Variants in DACH2 observed in about 807,000 individuals in gnomAD.
DACH2 encodes dachshund family transcription factor 2, also known as dachshund homolog 2.
Under a neutral mutation model 35.8 loss-of-function variants are expected in DACH2, and 17 were observed. The ratio of observed to expected loss-of-function variants is 0.48; its 90% CI spans 0.33 to 0.71. The LOEUF is 0.71. DACH2 is among the 30% of genes least tolerant of loss of function. The pLI is 0.02. For synonymous variants in DACH2, 195 were observed against 177.3 expected (o/e 1.10, Z -0.79); for missense variants, 469 against 472.7 (o/e 0.99, Z 0.07).
chrX:86,302,213 A>G (rs980387170), intron 1 of DACH2, among the ~76,000 whole-genome samples: 2 of 111,709 alleles, frequency 1.8e-5, no homozygotes, highest in Non-Finnish European at 3.8e-5. Flanking sequence ...TAGAAAGTAG[A>G]TCTCCTTAGT....
intron 1 of DACH2, among the ~76,000 whole-genome samples, chrX:86,275,608 C>G (rs1015652546): frequency 3.6e-4 from 40 of 111,625 alleles, no homozygotes; most frequent in African/African-American, 9.8e-4. Flanking sequence ...ATTATTGACT[C>G]TAGCCACCCT....
At chrX:86,265,720 G>A (rs912392367) in intron 1 of DACH2, among the ~76,000 whole-genome samples, 3 of 111,819 alleles carry the variant, frequency 2.7e-5, no homozygotes, top group Non-Finnish European at 5.6e-5. Flanking sequence ...GGAAAAAAGA[G>A]ATATATTTTA....
chrX:86,391,007 G>A, intron 2 of DACH2, among the ~76,000 whole-genome samples: 1 of 109,971 alleles, frequency 9.1e-6, no homozygotes, highest in Middle Eastern at 4.7e-3. Flanking sequence ...TTGGCCCGGT[G>A]CAGTGGCTCA....
intron 3 of DACH2, among the ~76,000 whole-genome samples, chrX:86,517,632 A>G (rs778359819): frequency 9.1e-6 from 1 of 110,175 alleles, no homozygotes; most frequent in Admixed American, 9.7e-5. Context: ...GTTAGCCAGG[A>G]TGGTCTCAAT....
At chrX:86,563,818 A>G (rs1367514249) in intron 3 of DACH2, among the ~76,000 whole-genome samples, 1 of 111,223 alleles carries the variant, frequency 9.0e-6, no homozygotes, top group African/African-American at 3.3e-5. Context: ...CCATACAAAC[A>G]TAATGTGCGA....
chrX:86,219,595 A>G (rs773318828), intron 1 of DACH2, among the ~76,000 whole-genome samples: 14 of 111,772 alleles, frequency 1.3e-4, no homozygotes, highest in African/African-American at 4.6e-4. Context: ...TTTATTATAT[A>G]TAACGTAATA....
intron 1 of DACH2, among the ~76,000 whole-genome samples, chrX:86,317,259 G>A (rs1280229831): frequency 8.9e-6 from 1 of 111,795 alleles, no homozygotes; most frequent in African/African-American, 3.3e-5. Context: ...GTTGTTGTAA[G>A]TGGGTGTATG....
intron 7 of DACH2, among the ~76,000 whole-genome samples, chrX:86,759,938 G>A (rs2041864359): frequency 1.8e-5 from 2 of 111,681 alleles, no homozygotes; most frequent in Non-Finnish European, 3.8e-5. Flanking sequence ...GTTTAGCTGG[G>A]AAAAAATTAT....
chrX:86,169,233 G>A (rs942067304), intron 1 of DACH2, among the ~76,000 whole-genome samples: 10 of 111,100 alleles, frequency 9.0e-5, no homozygotes, highest in Non-Finnish European at 1.7e-4. Context: ...ACTTTCTCCC[G>A]GCCTGTAAGG....
At chrX:86,757,840 TA>T (rs1017291688) in intron 7 of DACH2, among the ~76,000 whole-genome samples, 15 of 112,088 alleles carry the variant, frequency 1.3e-4, no homozygotes, top group African/African-American at 4.5e-4. Flanking sequence ...TGCAGAACCA[TA>T]AGCCAATTTA....
At chrX:86,322,514 T>C (rs748597023) in intron 1 of DACH2, among the ~76,000 whole-genome samples, 17 of 111,639 alleles carry the variant, frequency 1.5e-4, no homozygotes, top group Admixed American at 1.3e-3. Context: ...CACCCTGTGG[T>C]TGCAGGTATG....
intron 3 of DACH2, among the ~76,000 whole-genome samples, chrX:86,588,897 T>C (rs190305842): frequency 9.0e-6 from 1 of 111,606 alleles, no homozygotes; most frequent in East Asian, 2.8e-4. Context: ...TTCAGTACTA[T>C]GTTGAGTAGG....
At chrX:86,398,663 G>T (rs958968710) in intron 2 of DACH2, among the ~76,000 whole-genome samples, 25 of 111,919 alleles carry the variant, frequency 2.2e-4, no homozygotes, top group Non-Finnish European at 4.3e-4. Flanking sequence ...TGGTTATTCA[G>T]GGGCAGGTTG....
chrX:86,183,555 T>C (rs2031571798), intron 1 of DACH2, among the ~76,000 whole-genome samples: 2 of 111,912 alleles, frequency 1.8e-5, no homozygotes, highest in African/African-American at 6.5e-5. Context: ...AGCTTTTGGA[T>C]GTGCTGCTGG....
chrX:86,339,650 T>C (rs1284876398), intron 1 of DACH2, among the ~76,000 whole-genome samples: 1 of 111,715 alleles, frequency 9.0e-6, no homozygotes, highest in Non-Finnish European at 1.9e-5. Context: ...AGAGTCTGTA[T>C]GTATTTCCCA....
At chrX:86,208,140 A>G (rs1300296038) in intron 1 of DACH2, among the ~76,000 whole-genome samples, 1 of 111,011 alleles carries the variant, frequency 9.0e-6, no homozygotes, top group Non-Finnish European at 1.9e-5. Context: ...ATCAGAAAAT[A>G]CTACAGTTTC....
At chrX:86,666,312 T>A (rs112862722) in intron 4 of DACH2, among the ~76,000 whole-genome samples, 78 of 99,869 alleles carry the variant, frequency 7.8e-4, no homozygotes, top group Middle Eastern at 5.3e-3. Context: ...TGTGTGTGTG[T>A]GAGAGAGAGA....
chrX:86,535,144 G>C (rs994098888), intron 3 of DACH2, among the ~76,000 whole-genome samples: 1 of 111,036 alleles, frequency 9.0e-6, no homozygotes, highest in East Asian at 2.8e-4. Context: ...AGGCAGATGG[G>C]GTAGAAGTCA....
intron 1 of DACH2, among the ~76,000 whole-genome samples, chrX:86,203,900 G>A (rs1376133131): frequency 3.6e-5 from 4 of 111,445 alleles, no homozygotes; most frequent in Non-Finnish European, 7.5e-5. Flanking sequence ...GGATTGTAGA[G>A]GACTGTAGGG....
Sources: gnomAD v4.1 joint callset for allele counts (sites outside exome capture counted in the v4.1 genomes callset) on GRCh38, gnomAD v4.1.1 for gene constraint, MANE v1.5 for transcripts, NCBI Gene and HGNC (gene_info 2026-07-23, HGNC 2026-07-21) for gene names.